GNG7: variants seen among roughly 807,000 people sequenced by gnomAD.
GNG7 encodes G protein subunit gamma 7.
Under a neutral mutation model 4.0 loss-of-function variants are expected in GNG7, and 1 was observed. The ratio of observed to expected loss-of-function variants is 0.25; its 90% CI spans 0.09 to 1.18. GNG7 has a LOEUF of 1.18. GNG7 is among the 50% of genes most tolerant of loss of function. The pLI is 0.50. For synonymous variants in GNG7, 34 were observed against 36.9 expected (o/e 0.92, Z 0.29); for missense variants, 86 against 91.9 (o/e 0.94, Z 0.26).
intron 2 of GNG7, among the ~76,000 whole-genome samples, chr19:2,572,147 G>A (rs573826735): frequency 6.6e-6 from 1 of 151,766 alleles, no homozygotes; most frequent in African/African-American, 2.4e-5. Context: ...TCAGCCTGCC[G>A]AGTGGCTGGG....
chr19:2,525,380 C>T (rs977070018), intron 3 of GNG7, among the ~76,000 whole-genome samples: 8 of 152,222 alleles, frequency 5.3e-5, no homozygotes, highest in Non-Finnish European at 1.0e-4. Context: ...GGACGCCGCC[C>T]GGCCCCGCGC....
Position 2,553,504 on chromosome 19 carries a change from C to G in GNG7, c.-38+1645G>C, listed in dbSNP as rs181132842. On this transcript the variant is annotated intron_variant, in intron 3 of 4. Transcript: ENST00000382159. ...TATATATTATATTTTATATGTACATCTCATTACATATATGTACACATTACA... is the reference window on the plus strand; with the variant it reads ...TATATATTATATTTTATATGTACATGTCATTACATATATGTACACATTACA... Among the ~76,000 whole-genome samples the G allele has an allele frequency of 2.8e-5, 4 of 140,570 alleles. No homozygotes were observed. In the Admixed American group the frequency reaches 3.0e-4, roughly 10 times the overall value. 92.2% of individuals were successfully genotyped at this position (140,570 alleles called of 152,430 possible).
chr19:2,596,671 C>CG (rs1469231495), intron 2 of GNG7, among the ~76,000 whole-genome samples: 2 of 150,870 alleles, frequency 1.3e-5, no homozygotes, highest in Admixed American at 6.6e-5. Context: ...CCTGTCCCCC[C>CG]CCCAAAAAAA....
chr19:2,584,930 AGGAGGGAGGGAG>A (rs1335511984), intron 2 of GNG7, among the ~76,000 whole-genome samples: 2 of 37,856 alleles, frequency 5.3e-5, no homozygotes, highest in African/African-American at 2.1e-4. Flanking sequence ...GAAGGAAGGA[AGGAGGGAGGGAG>A]GGAGGGAAGG....
chr19:2,636,663 G>A (rs1443461128), intron 2 of GNG7, among the ~76,000 whole-genome samples: 1 of 152,156 alleles, frequency 6.6e-6, no homozygotes, highest in African/African-American at 2.4e-5. Context: ...AACACCCAGG[G>A]ACCGCCTCTG....
chr19:2,621,808 A>G lies in GNG7; in HGVS notation c.-78+24416T>C, dbSNP rs139275480. Among the ~76,000 whole-genome samples, 689 of 152,284 alleles carry G rather than the reference A, an allele frequency of 4.5e-3. 5 individuals carry two copies. Among genetic ancestry groups the G allele is most frequent in the African/African-American group, 0.016 (654 of 41,554 alleles). On this transcript the variant is annotated intron_variant, in intron 2 of 4. Transcript: ENST00000382159. ...ACGGTAAGCACAAGCCAGGTTTGCC[A>G]GAGCCCCCAGAAGCCAGAGGACGCG...
chr19:2,582,656 ATTTTTTT>A (rs35625825), intron 2 of GNG7, among the ~76,000 whole-genome samples: 18 of 86,164 alleles, frequency 2.1e-4, no homozygotes, highest in South Asian at 8.9e-4. Context: ...CTAATTGTTA[ATTTTTTT>A]TTTTTTTTTT....
At chr19:2,577,957 C>G (rs1207707555) in intron 2 of GNG7, among the ~76,000 whole-genome samples, 1 of 151,764 alleles carries the variant, frequency 6.6e-6, no homozygotes, top group Non-Finnish European at 1.5e-5. Context: ...CCCACCTCAG[C>G]CCCTCGAGTA....
intron 4 of GNG7, among the ~76,000 whole-genome samples, chr19:2,518,769 C>T (rs1219925463): frequency 6.6e-6 from 1 of 151,996 alleles, no homozygotes; most frequent in Non-Finnish European, 1.5e-5. Context: ...GGCCATGGTG[C>T]CCCAGGGTTT....
At chr19:2,596,575 G>A (rs1357329759) in intron 2 of GNG7, among the ~76,000 whole-genome samples, 1 of 151,872 alleles carries the variant, frequency 6.6e-6, no homozygotes, top group African/African-American at 2.4e-5. Flanking sequence ...AGGTTGAGGT[G>A]GGAGGATCGC....
At chr19:2,672,446 ATT>A (rs200691268) in intron 1 of GNG7, among the ~76,000 whole-genome samples, 22 of 144,744 alleles carry the variant, frequency 1.5e-4, no homozygotes, top group South Asian at 1.1e-3. Flanking sequence ...GTGACGCCCG[ATT>A]TTTTTTTTTT....
rs540698522 is a variant in GNG7 at position 2,618,498 on chromosome 19, G to A, written c.-78+27726C>T. The stretch of plus-strand genomic sequence containing the variant: ...CAAGTAGCTGGGATTACAGGCACGT[G>A]CCACCACACCCACCTAATTTTTGTA... On this transcript the variant is annotated intron_variant, in intron 2 of 4. Transcript: ENST00000382159. The surrounding 1 kb of genome is among the most constrained non-coding windows in gnomAD (Gnocchi z 5.1). Among the ~76,000 whole-genome samples, 480 of 151,960 alleles carry A rather than the reference G, an allele frequency of 3.2e-3. 1 individual carries two copies. Among genetic ancestry groups the A allele is most frequent in the Non-Finnish European group, 3.7e-3 (253 of 67,988 alleles).
In GNG7 at chr19:2,575,999, ACT is replaced by A. The variant is rs1031124047; in HGVS notation, c.-77-20813_-77-20812del. Among the ~76,000 whole-genome samples the A allele has an allele frequency of 3.0e-4, 28 of 92,470 alleles. 1 individual carries two copies. Among genetic ancestry groups the A allele is most frequent in the African/African-American group, 1.7e-3 (28 of 16,106 alleles). The allele number at this position is 92,470 out of a possible 152,430, so 60.7% of individuals were successfully genotyped here. On this transcript the variant is annotated intron_variant, in intron 2 of 4. Transcript: ENST00000382159. ...TGCAGGCAGACACACACATGCTCAC[ACT>A]CAGGTACACGCAGACATGCAGACAC...
intron 1 of GNG7, among the ~76,000 whole-genome samples, chr19:2,673,268 C>A (rs60058784): frequency 0.17 from 19,332 of 116,234 alleles, 2,148 homozygotes; most frequent in East Asian, 0.5. Context: ...AAAAAAAAAA[C>A]AAAACAAAAC....
intron 1 of GNG7, among the ~76,000 whole-genome samples, chr19:2,656,029 C>CAAAAAAAAAAAAA (rs55687607): frequency 1.0e-4 from 10 of 98,084 alleles, no homozygotes; most frequent in African/African-American, 2.2e-4. Context: ...CGATTCAAAA[C>CAAAAAAAAAAAAA]AAAAAAAAAA....
At position 2,618,188 on chromosome 19, in the gene GNG7, G is replaced by A. The variant is rs1222285195; in HGVS notation, c.-78+28036C>T. The stretch of plus-strand genomic sequence containing the variant: ...GGGTCAATATTTGCGACTGACCGAC[G>A]GGTTGGCCTTCCATCTACTCTTCCA... On this transcript the variant is annotated intron_variant, in intron 2 of 4. Coordinates refer to ENST00000382159, the MANE Select transcript of GNG7 (RefSeq NM_052847.3). This position sits in a 1 kb window ranked among gnomAD's most constrained non-coding sequence, Gnocchi z 5.1. Among the ~76,000 whole-genome samples the A allele has an allele frequency of 1.3e-5, 2 of 152,072 alleles. No individual in the cohort carries two copies. The highest frequency in any genetic ancestry group is 2.4e-5 in the African/African-American group (1 of 41,390).
At chr19:2,576,155 C>T (rs895174981) in intron 2 of GNG7, among the ~76,000 whole-genome samples, 13 of 152,260 alleles carry the variant, frequency 8.5e-5, no homozygotes, top group African/African-American at 3.1e-4. Context: ...GGCACGGGCA[C>T]GTGCTCCCAG....
chr19:2,689,009 G>T (rs1011055261), intron 1 of GNG7, among the ~76,000 whole-genome samples: 1 of 151,888 alleles, frequency 6.6e-6, no homozygotes, highest in Non-Finnish European at 1.5e-5. Context: ...AGGCTACAGT[G>T]AGCCATGATC....
intron 2 of GNG7, among the ~76,000 whole-genome samples, chr19:2,638,908 T>A (rs938532044): frequency 6.6e-6 from 1 of 151,694 alleles, no homozygotes; most frequent in African/African-American, 2.4e-5. Context: ...AAGAGATCCA[T>A]AAAAAAAACA....
Sources: gnomAD v4.1 joint callset for allele counts (sites outside exome capture counted in the v4.1 genomes callset) on GRCh38, gnomAD v4.1.1 for gene constraint, Gnocchi (gnomAD v3.1) non-coding constraint, MANE v1.5 for transcripts, NCBI Gene and HGNC (gene_info 2026-07-23, HGNC 2026-07-21) for gene names.